Variants in SYT11 observed in about 807,000 individuals in gnomAD.
SYT11 encodes synaptotagmin 11, also known as synaptotagmin-11.
A neutral mutation model predicts 30.4 loss-of-function variants in SYT11; 12 were observed. The ratio of observed to expected loss-of-function variants is 0.39; its 90% CI spans 0.25 to 0.64. The LOEUF (loss-of-function observed/expected upper bound fraction) is 0.64, where lower values mean the gene tolerates loss of function less well. Among genes scored for constraint, SYT11 ranks in the 30% least tolerant of loss-of-function variants. SYT11 has a pLI of 0.45. For missense variants in SYT11, 412 were observed against 552.0 expected (o/e 0.75, Z 2.54); for synonymous variants, 204 against 216.0 (o/e 0.94, Z 0.49).
intron 2 of SYT11, among the ~76,000 whole-genome samples, chr1:155,872,168 G>T (rs1002904688): frequency 6.6e-6 from 1 of 152,222 alleles, no homozygotes; most frequent in African/African-American, 2.4e-5. Context: ...GAAGGCCAAG[G>T]CGGGAAGCCC....
rs772498782 is a variant in SYT11, at chr1:155,868,456, G to A, written c.526G>A (p.Val176Met). The change falls in exon 2 of 4, where the codon GTG (valine) becomes ATG (methionine). Residue 176 changes from valine to methionine, a missense_variant. Transcript: ENST00000368324. This position sits in a 1 kb window ranked among gnomAD's most constrained non-coding sequence, Gnocchi z 4.7. ...DYNFPKKALV[V>M]TIQEAHGLPV... The stretch of plus-strand genomic sequence containing the variant: ...TAACTTCCCGAAAAAAGCCCTGGTG[G>A]TGACAATCCAGGAGGCCCATGGGCT... 8.1e-6 allele frequency: 13 copies of A among 1,614,140 alleles called. No individual in the cohort carries two copies. Among genetic ancestry groups the A allele is most frequent in the Non-Finnish European group, 1.1e-5 (13 of 1,180,002 alleles).
chr1:155,869,270 T>A (rs1672744475), intron 2 of SYT11, among the ~76,000 whole-genome samples: 1 of 139,100 alleles, frequency 7.2e-6, no homozygotes, highest in Non-Finnish European at 1.6e-5. Flanking sequence ...TGTCTTTTTT[T>A]TTTTTTTTTT....
chr1:155,874,357 T>C (rs1029219796), intron 2 of SYT11, among the ~76,000 whole-genome samples: 8 of 151,962 alleles, frequency 5.3e-5, no homozygotes, highest in Non-Finnish European at 1.5e-5. Flanking sequence ...CCCAGCACTT[T>C]GGGAGGCTGA....
intron 1 of SYT11, among the ~76,000 whole-genome samples, chr1:155,866,474 G>A (rs1319353125): frequency 6.6e-6 from 1 of 152,140 alleles, no homozygotes; most frequent in Non-Finnish European, 1.5e-5. Context: ...TGTTTTAAGT[G>A]CTGAGGGTAC....
Position 155,868,476 on chromosome 1 carries a change from T to C in SYT11, c.546T>C (p.His182=), listed in dbSNP as rs822521. 0.99 allele frequency: 1,595,527 copies of C among 1,614,088 alleles called. 790,423 individuals are homozygous for C. The highest frequency in any genetic ancestry group is 1 in the Non-Finnish European group (1,179,754 of 1,180,042). Residue 182 remains histidine (H), a synonymous_variant, in exon 2 of 4, where the codon CAT becomes CAC. Coordinates refer to ENST00000368324, the MANE Select transcript of SYT11 (RefSeq NM_152280.5). This position sits in a 1 kb window ranked among gnomAD's most constrained non-coding sequence, Gnocchi z 4.7. Reference sequence around the variant, plus strand: ...TGGTGGTGACAATCCAGGAGGCCCATGGGCTGCCAGTGATGGATGACCAGA... The same window carrying C: ...TGGTGGTGACAATCCAGGAGGCCCACGGGCTGCCAGTGATGGATGACCAGA... ...KALVVTIQEA[H]GLPVMDDQTQ... is the part of the protein sequence containing the mutation.
intron 2 of SYT11, among the ~76,000 whole-genome samples, chr1:155,871,328 C>T (rs2102560101): frequency 6.6e-6 from 1 of 152,338 alleles, no homozygotes; most frequent in Non-Finnish European, 1.5e-5. Flanking sequence ...CCCTTCACAG[C>T]AGCTCCCATC....
chr1:155,866,615 T>A (rs796553184), intron 1 of SYT11, among the ~76,000 whole-genome samples: 2 of 152,112 alleles, frequency 1.3e-5, no homozygotes, highest in Admixed American at 6.6e-5. Flanking sequence ...ATTTTATATA[T>A]TTTTTTCTTA....
At position 155,868,602 on chromosome 1, in the gene SYT11, C is replaced by T. The variant is rs751883423; in HGVS notation, c.672C>T (p.Asp224=). 3.7e-5 allele frequency: 59 copies of T among 1,613,998 alleles called. No individual in the cohort carries two copies. Among genetic ancestry groups the T allele is most frequent in the Middle Eastern group, 3.3e-4 (2 of 6,084 alleles). ...VLRKTLDPVF[D]ETFTFYGIPY... ...GGAAGACCCTGGACCCTGTGTTTGA[C>T]GAGACCTTCACCTTCTATGGCATCC... The change falls in exon 2 of 4, where the codon GAC becomes GAT. Residue 224 remains aspartate, a synonymous_variant. Transcript: ENST00000368324. The surrounding 1 kb of genome is among the most constrained non-coding windows in gnomAD (Gnocchi z 4.7).
rs11548474 is a variant in SYT11, at chr1:155,859,661, C to A, written c.-101C>A. ...GTCCGCTGGATACCTTCCCCCTTCC[C>A]TGACCTAGAGCTCTACAGCTGCTGC... is the stretch of plus-strand genomic sequence containing the variant. On this transcript the variant is annotated 5_prime_UTR_variant, in exon 1 of 4. The change creates a new upstream start codon in the 5' untranslated region. Coordinates refer to ENST00000368324, the MANE Select transcript of SYT11 (RefSeq NM_152280.5). The A allele has an allele frequency of 8.4e-7, 1 of 1,185,482 alleles. No homozygotes were observed. The highest frequency in any genetic ancestry group is 1.3e-6 in the Non-Finnish European group (1 of 792,110). 73.4% of individuals were successfully genotyped at this position (1,185,482 alleles called of 1,614,324 possible).
At position 155,883,480 on chromosome 1, in the gene SYT11, G is replaced by A. The variant is rs1352275791; in HGVS notation, c.*1972G>A. The A allele has an allele frequency of 6.6e-6, 1 of 152,236 alleles. No homozygotes were observed. The highest frequency in any genetic ancestry group is 1.9e-4 in the East Asian group (1 of 5,198). The allele number at this position is 152,236 out of a possible 1,614,324, so 9.4% of individuals were successfully genotyped here. A position where few individuals can be genotyped will look rare whatever the true frequency, so the allele number is the denominator to read the frequency against. On this transcript the variant is annotated 3_prime_UTR_variant, in exon 4 of 4. Coordinates refer to ENST00000368324, the MANE Select transcript of SYT11 (RefSeq NM_152280.5). ...AGCCCAGAGGTAGAGGCTGCAGTGA[G>A]CCATGATCATGCCACTGCACTCTGG...
At chr1:155,875,185 G>A (rs1672841690) in intron 2 of SYT11, among the ~76,000 whole-genome samples, 1 of 136,594 alleles carries the variant, frequency 7.3e-6, no homozygotes, top group East Asian at 2.0e-4. Context: ...CCCAGGAGGT[G>A]GAGGTTGCAG....
intron 1 of SYT11, among the ~76,000 whole-genome samples, chr1:155,867,632 G>A (rs61813621): frequency 0.013 from 2,017 of 152,252 alleles, 20 homozygotes; most frequent in Non-Finnish European, 0.021. Flanking sequence ...CTTAGAACAC[G>A]TACAGAGCAG....
Position 155,868,425 on chromosome 1 carries a change from G to A in SYT11, c.495G>A (p.Val165=). The change falls in exon 2 of 4, where the codon GTG becomes GTA. Residue 165 remains valine (V), a synonymous_variant. Transcript: ENST00000368324. This position sits in a 1 kb window ranked among gnomAD's most constrained non-coding sequence, Gnocchi z 4.7. ...DVMLGSLTFS[V]DYNFPKKALV... ...TGCTAGGATCCCTCACCTTCTCAGT[G>A]GACTATAACTTCCCGAAAAAAGCCC... The A allele has an allele frequency of 6.2e-7, 1 of 1,614,094 alleles. No homozygotes were observed. The highest frequency in any genetic ancestry group is 8.5e-7 in the Non-Finnish European group (1 of 1,180,006).
At chr1:155,877,582 C>A (rs1291448217) in intron 2 of SYT11, among the ~76,000 whole-genome samples, 2 of 145,446 alleles carry the variant, frequency 1.4e-5, no homozygotes, top group Non-Finnish European at 3.0e-5. Context: ...GAGACAGAGT[C>A]TCGCTCTGTT....
Position 155,883,501 on chromosome 1 carries a change from T to C in SYT11, c.*1993T>C, listed in dbSNP as rs1673014589. The stretch of plus-strand genomic sequence containing the variant: ...GTGAGCCATGATCATGCCACTGCAC[T>C]CTGGGCTGGGTAACAGAGTGAGATC... On this transcript the variant is annotated 3_prime_UTR_variant, in exon 4 of 4. Transcript: ENST00000368324. 6.6e-6 allele frequency: 1 copy of C among 152,172 alleles called. No homozygotes were observed. Among genetic ancestry groups the C allele is most frequent in the Admixed American group, 6.6e-5 (1 of 15,266 alleles). 9.4% of individuals were successfully genotyped at this position (152,172 alleles called of 1,614,324 possible).
intron 1 of SYT11, among the ~76,000 whole-genome samples, chr1:155,862,113 C>G (rs1011800728): frequency 5.9e-5 from 9 of 152,222 alleles, no homozygotes; most frequent in Non-Finnish European, 1.2e-4. Context: ...TACAGAGGAT[C>G]TCCTACATAG....
At chr1:155,876,242 T>TTG (rs1672857089) in intron 2 of SYT11, among the ~76,000 whole-genome samples, 1 of 141,544 alleles carries the variant, frequency 7.1e-6, no homozygotes, top group Non-Finnish European at 1.5e-5. Flanking sequence ...TCCCTTTTTT[T>TTG]TTTTTTTTTT....
At chr1:155,861,851 C>G (rs1024712379) in intron 1 of SYT11, among the ~76,000 whole-genome samples, 1 of 152,230 alleles carries the variant, frequency 6.6e-6, no homozygotes, top group African/African-American at 2.4e-5. Flanking sequence ...CTCCCGACCT[C>G]AGGTGATCTG....
intron 2 of SYT11, among the ~76,000 whole-genome samples, chr1:155,872,770 C>T (rs1246015840): frequency 1.3e-5 from 2 of 152,124 alleles, no homozygotes; most frequent in South Asian, 2.1e-4. Flanking sequence ...GAGGGAATGA[C>T]ATTAAATTGC....
Sources: gnomAD v4.1 joint callset for allele counts (sites outside exome capture counted in the v4.1 genomes callset) on GRCh38, gnomAD v4.1.1 for gene constraint, Gnocchi (gnomAD v3.1) non-coding constraint, MANE v1.5 for transcripts, NCBI Gene and HGNC (gene_info 2026-07-23, HGNC 2026-07-21) for gene names.